The following FAP variants were observed in gnomAD, a reference collection of about 807,000 sequenced individuals.
The protein encoded by FAP is prolyl endopeptidase FAP.
FAP carries 110 observed loss-of-function variants against 126.5 expected under a neutral mutation model. The observed-to-expected ratio is 0.87, with a 90% CI of 0.74 to 1.02. The LOEUF (loss-of-function observed/expected upper bound fraction) is 1.02. FAP is among the 50% of genes least tolerant of loss of function. The pLI is 0.00. For missense variants in FAP, 919 were observed against 909.2 expected, an observed-to-expected ratio of 1.01 and a Z score of -0.14; for synonymous variants, 334 against 297.3, an observed-to-expected ratio of 1.12 and a Z score of -1.27.
chr2:162,196,616 C>T (rs1688262732), intron 16 of FAP, among the ~76,000 whole-genome samples: 1 of 151,144 alleles, frequency 6.6e-6, no homozygotes, highest in South Asian at 2.1e-4. Flanking sequence ...AAACATCAGA[C>T]CTTGAGAAGC....
chr2:162,184,877 T>G (rs2268883), intron 20 of FAP, among the ~76,000 whole-genome samples: 6,294 of 152,088 alleles, frequency 0.041, 667 homozygotes, highest in Admixed American at 0.24. Context: ...CTACCTTACA[T>G]CTGGGGTAAA....
rs1689061356 is a variant in FAP at position 162,213,930 on chromosome 2, T to C, written c.1002+8A>G. On this transcript the variant is annotated splice_region_variant and intron_variant, in intron 11 of 25. Transcript: ENST00000188790. ...GAAATACGTATCTGTGATCTTAATA[T>C]ACCCTACCTTTGGACAATCCCATGT... 6 of 1,612,334 alleles carry C rather than the reference T, an allele frequency of 3.7e-6. No homozygotes were observed. The highest frequency in any genetic ancestry group is 1.7e-5 in the Admixed American group (1 of 59,884).
chr2:162,217,101 G>A (rs1218749039), intron 9 of FAP, among the ~76,000 whole-genome samples: 1 of 152,144 alleles, frequency 6.6e-6, no homozygotes, highest in East Asian at 1.9e-4. Context: ...ATATTACACT[G>A]TCTGCAATTC....
At chr2:162,211,137 C>T (rs1246907538) in intron 11 of FAP, among the ~76,000 whole-genome samples, 1 of 152,148 alleles carries the variant, frequency 6.6e-6, no homozygotes, top group Non-Finnish European at 1.5e-5. Flanking sequence ...ACTTTTAGGC[C>T]TAGCCCATAA....
At chr2:162,224,804 T>A (rs577086738) in intron 4 of FAP, among the ~76,000 whole-genome samples, 3 of 152,268 alleles carry the variant, frequency 2.0e-5, no homozygotes, top group Admixed American at 6.5e-5. Flanking sequence ...CAAATTAGGA[T>A]GTTCTATAAA....
Position 162,179,759 on chromosome 2 carries a change from G to GATCT in FAP, c.1869+3651_1869+3654dup, listed in dbSNP as rs1320073177. Among the ~76,000 whole-genome samples the GATCT allele has an allele frequency of 3.3e-3, 439 of 134,818 alleles. 4 individuals carry two copies. Among genetic ancestry groups the GATCT allele is most frequent in the East Asian group, 6.6e-3 (33 of 5,008 alleles). The allele number at this position is 134,818 out of a possible 152,430, so 88.4% of individuals were successfully genotyped here. On this transcript the variant is annotated intron_variant, in intron 21 of 25. Coordinates refer to ENST00000188790, the MANE Select transcript of FAP (RefSeq NM_004460.5). ...CAAAACATGGGAACAAGGAAGCACA[G>GATCT]ATCTATCTATCTATCTATCTATCTA...
chr2:162,226,984 C>G (rs1228149405), intron 2 of FAP, among the ~76,000 whole-genome samples: 1 of 152,148 alleles, frequency 6.6e-6, no homozygotes, highest in African/African-American at 2.4e-5. Context: ...TCCAACAACT[C>G]TAGTCCTTGC....
intron 15 of FAP, among the ~76,000 whole-genome samples, chr2:162,199,392 T>G (rs573956054): frequency 6.6e-6 from 1 of 152,302 alleles, no homozygotes; most frequent in East Asian, 1.9e-4. Context: ...CTTCATTCCT[T>G]TCAGCAGGAA....
intron 6 of FAP, among the ~76,000 whole-genome samples, chr2:162,222,207 G>C (rs1178352680): frequency 6.6e-6 from 1 of 152,184 alleles, no homozygotes; most frequent in African/African-American, 2.4e-5. Context: ...TGAGAGCTTT[G>C]AGAAACTGGA....
intron 17 of FAP, among the ~76,000 whole-genome samples, chr2:162,192,130 T>G (rs1413955660): frequency 6.6e-6 from 1 of 152,112 alleles, no homozygotes; most frequent in Non-Finnish European, 1.5e-5. Context: ...CATCAATCTT[T>G]TACAGCCATC....
intron 21 of FAP, among the ~76,000 whole-genome samples, chr2:162,180,980 A>C (rs1687677883): frequency 6.6e-6 from 1 of 152,134 alleles, no homozygotes; most frequent in Non-Finnish European, 1.5e-5. Flanking sequence ...CCAATACTTA[A>C]ATAATAAATG....
At chr2:162,178,979 A>C (rs1201666262) in intron 21 of FAP, among the ~76,000 whole-genome samples, 2 of 152,082 alleles carry the variant, frequency 1.3e-5, no homozygotes, top group African/African-American at 4.8e-5. Flanking sequence ...TTCACTGACT[A>C]ATTCAGGCCT....
intron 2 of FAP, among the ~76,000 whole-genome samples, chr2:162,233,746 T>C (rs1298416097): frequency 6.6e-6 from 1 of 152,206 alleles, no homozygotes; most frequent in Non-Finnish European, 1.5e-5. Context: ...ATGTATGTTT[T>C]CTTTTGTTTC....
At chr2:162,235,803 T>C (rs112001481) in intron 2 of FAP, among the ~76,000 whole-genome samples, 20 of 152,282 alleles carry the variant, frequency 1.3e-4, no homozygotes, top group African/African-American at 2.9e-4. Flanking sequence ...TGCTCACTCA[T>C]TGGGTCCATA....
rs1687281823 is a variant in FAP, at chr2:162,170,955, T to C, written c.*24A>G. 2 of 1,572,962 alleles carry C rather than the reference T, an allele frequency of 1.3e-6. No individual in the cohort carries two copies. The highest frequency in any genetic ancestry group is 1.7e-6 in the Non-Finnish European group (2 of 1,143,562). On this transcript the variant is annotated 3_prime_UTR_variant, in exon 26 of 26. Transcript: ENST00000188790. Reference sequence around the variant, plus strand: ...TTTATATAAGGTTTTCAGATTCTGATACAGGCTTGCATCTGCATCGTTTTT... The same window carrying C: ...TTTATATAAGGTTTTCAGATTCTGACACAGGCTTGCATCTGCATCGTTTTT...
At chr2:162,188,482 C>T (rs1371785832) in intron 19 of FAP, 119 bp from the exon 20 acceptor site, 30 of 886,958 alleles carry the variant, frequency 3.4e-5, no homozygotes, top group South Asian at 1.1e-4. Context: ...ATAACAATGG[C>T]GTTAGAACTG....
chr2:162,194,623 T>C, intron 17 of FAP, 78 bp downstream of exon 17: 1 of 1,306,666 alleles, frequency 7.7e-7, no homozygotes, highest in Non-Finnish European at 1.1e-6. Context: ...GGAGAAACTG[T>C]CCTGCTTTCT....
Position 162,213,125 on chromosome 2 carries a change from C to A in FAP, c.1002+813G>T, listed in dbSNP as rs1220110822. Among the ~76,000 whole-genome samples the A allele has an allele frequency of 2.0e-5, 3 of 152,000 alleles. No individual in the cohort carries two copies. The South Asian group carries it at 6.2e-4, about 31-fold the overall frequency. ...GGGTGCAGTGGCTCATGCCTGTAAT[C>A]CCAGTACTTTGGGAGGCTGAGGCGG... On this transcript the variant is annotated intron_variant, in intron 11 of 25. Coordinates refer to ENST00000188790, the MANE Select transcript of FAP (RefSeq NM_004460.5).
chr2:162,239,474 A>G (rs1690265095), intron 2 of FAP, among the ~76,000 whole-genome samples: 3 of 151,906 alleles, frequency 2.0e-5, no homozygotes. Context: ...CAGACACAAA[A>G]GTTTCTGAAA....
Sources: allele counts gnomAD v4.1 joint callset (sites outside exome capture counted in the v4.1 genomes callset), GRCh38; gene constraint gnomAD v4.1.1; transcripts MANE v1.5; gene names NCBI Gene and HGNC (gene_info 2026-07-23, HGNC 2026-07-21).